The following NUP85 variants were observed in gnomAD, a reference collection of about 807,000 sequenced individuals.
NUP85 encodes the protein nuclear pore complex protein Nup85.
A neutral mutation model predicts 92.8 loss-of-function variants in NUP85; 23 were observed. The observed-to-expected ratio is 0.25, with a 90% CI of 0.18 to 0.35. NUP85 has a LOEUF of 0.35. Ranked by LOEUF, NUP85 falls within the 10% of genes least tolerant of loss-of-function variation. The pLI is 1.00. For missense variants in NUP85, 759 were observed against 822.8 expected (o/e 0.92, Z 0.95); for synonymous variants, 314 against 306.9 (o/e 1.02, Z -0.24).
At chr17:75,225,078 C>A in intron 7 of NUP85, 25 bp from the exon 8 acceptor site, 1 of 1,522,068 alleles carries the variant, frequency 6.6e-7, no homozygotes, top group Non-Finnish European at 8.8e-7. Flanking sequence ...CCTGCCAATG[C>A]TTATGGGCCC....
chr17:75,207,523 AGAGTG>A (rs1285682902), intron 1 of NUP85, among the ~76,000 whole-genome samples: 2 of 151,154 alleles, frequency 1.3e-5, no homozygotes, highest in African/African-American at 4.9e-5. Flanking sequence ...TCTGTCACCC[AGAGTG>A]GAGTGCAGTG....
In NUP85 at chr17:75,205,877, C is replaced by T. The variant is rs568033416; in HGVS notation, c.33+83C>T. On this transcript the variant is annotated intron_variant, in intron 1 of 18. Coordinates refer to ENST00000245544, the MANE Select transcript of NUP85 (RefSeq NM_024844.5). ...AGTTACTTCAGGCTTGTCTGCTTCCCTAGTGGTCGCGAGGCGCTCGTCCCC... is the reference window on the plus strand; with the variant it reads ...AGTTACTTCAGGCTTGTCTGCTTCCTTAGTGGTCGCGAGGCGCTCGTCCCC... 6.3e-4 allele frequency: 953 copies of T among 1,510,232 alleles called. 4 individuals carry two copies. Among genetic ancestry groups the T allele is most frequent in the Non-Finnish European group, 6.4e-4 (697 of 1,090,552 alleles). The allele number at this position is 1,510,232 out of a possible 1,614,324, so 93.6% of individuals were successfully genotyped here.
intron 7 of NUP85, 64 bp from the exon 8 acceptor site, chr17:75,225,039 C>T: frequency 6.7e-7 from 1 of 1,484,016 alleles, no homozygotes; most frequent in Non-Finnish European, 9.0e-7. Context: ...AGGGGACTGG[C>T]CTCCTCACGC....
At chr17:75,217,391 G>A (rs2075464371) in intron 6 of NUP85, among the ~76,000 whole-genome samples, 1 of 149,514 alleles carries the variant, frequency 6.7e-6, no homozygotes, top group African/African-American at 2.5e-5. Context: ...TTGTAGAGAT[G>A]GGGTCTCCCT....
intron 14 of NUP85, 36 bp from the exon 15 acceptor site, chr17:75,232,815 G>T: frequency 6.3e-7 from 1 of 1,586,168 alleles, no homozygotes; most frequent in South Asian, 1.1e-5. Flanking sequence ...GATTTGTGGA[G>T]TGAAAGCCGT....
At position 75,205,736 on chromosome 17, in the gene NUP85, C is replaced by G. The variant is rs770310989; in HGVS notation, c.-26C>G. The G allele has an allele frequency of 1.2e-6, 2 of 1,614,042 alleles. No homozygotes were observed. Among genetic ancestry groups the G allele is most frequent in the Non-Finnish European group, 1.7e-6 (2 of 1,180,022 alleles). ...GCGGGAAGCATTGGCGTCCGAGCGACTTCTAGGAGCCTGGGGTTCGGCGCT... is the reference window on the plus strand; with the variant it reads ...GCGGGAAGCATTGGCGTCCGAGCGAGTTCTAGGAGCCTGGGGTTCGGCGCT... On this transcript the variant is annotated 5_prime_UTR_variant, in exon 1 of 19. Transcript: ENST00000245544.
In NUP85 at chr17:75,231,864, C is replaced by T. The variant is rs2076075222; in HGVS notation, c.1281C>T (p.Cys427=). The T allele has an allele frequency of 1.9e-6, 3 of 1,614,132 alleles. No individual in the cohort carries two copies. Among genetic ancestry groups the T allele is most frequent in the Non-Finnish European group, 1.7e-6 (2 of 1,180,012 alleles). Residue 427 remains cysteine (C), a synonymous_variant, in exon 14 of 19, where the codon TGC becomes TGT. Coordinates refer to ENST00000245544, the MANE Select transcript of NUP85 (RefSeq NM_024844.5). This position sits in a 1 kb window ranked among gnomAD's most constrained non-coding sequence, Gnocchi z 4.6. Reference sequence around the variant, plus strand: ...TGGGGGTCGATTACTTTGATTACTGCCCCGAGCTGGGCCGAGTCTCCCTGG... The same window carrying T: ...TGGGGGTCGATTACTTTGATTACTGTCCCGAGCTGGGCCGAGTCTCCCTGG... ...WQLGVDYFDY[C]PELGRVSLEL... is the part of the protein sequence containing the mutation.
chr17:75,209,411 G>A (rs1004864351), intron 2 of NUP85, among the ~76,000 whole-genome samples: 2 of 151,494 alleles, frequency 1.3e-5, no homozygotes, highest in Non-Finnish European at 2.9e-5. Flanking sequence ...CCAGTAGAAG[G>A]ATAAAACTGG....
At chr17:75,217,840 G>A (rs543135300) in intron 6 of NUP85, among the ~76,000 whole-genome samples, 1 of 152,292 alleles carries the variant, frequency 6.6e-6, no homozygotes, top group Non-Finnish European at 1.5e-5. Context: ...ATACCTGGCT[G>A]CTTGCTATCT....
At chr17:75,233,692 G>A (rs375506983) in intron 16 of NUP85, among the ~76,000 whole-genome samples, 7 of 152,026 alleles carry the variant, frequency 4.6e-5, no homozygotes, top group South Asian at 4.1e-4. Flanking sequence ...CCCGCCTCCC[G>A]GGTCCAAGCA....
intron 6 of NUP85, among the ~76,000 whole-genome samples, chr17:75,216,676 T>C (rs148131291): frequency 5.4e-4 from 82 of 152,300 alleles, no homozygotes; most frequent in Middle Eastern, 3.4e-3. Flanking sequence ...ATGTTTGCTA[T>C]TTTCCATAAA....
chr17:75,235,222 G>A (rs759741628), intron 18 of NUP85, 21 bp downstream of exon 18: 4 of 1,583,556 alleles, frequency 2.5e-6, no homozygotes, highest in Non-Finnish European at 3.5e-6. Flanking sequence ...CTTTTGGGTT[G>A]ATGGTTCCAC....
At chr17:75,235,391 C>T in intron 18 of NUP85, 187 bp from the exon 19 acceptor site, 2 of 616,170 alleles carry the variant, frequency 3.2e-6, no homozygotes, top group South Asian at 4.1e-5. Context: ...CTCATCTCTA[C>T]ATTTTGTTCT....
chr17:75,230,891 G>A (rs1478620769), intron 11 of NUP85, among the ~76,000 whole-genome samples: 2 of 151,824 alleles, frequency 1.3e-5, no homozygotes, highest in Non-Finnish European at 2.9e-5. Context: ...GTGCACTCCC[G>A]TCTGGGTGAC....
At chr17:75,232,361 G>T (rs1438208291) in intron 14 of NUP85, among the ~76,000 whole-genome samples, 2 of 152,168 alleles carry the variant, frequency 1.3e-5, no homozygotes, top group Non-Finnish European at 2.9e-5. Flanking sequence ...AGAGAGAGTG[G>T]AATGAGGATG....
At chr17:75,214,589 T>C (rs1400740345) in intron 5 of NUP85, among the ~76,000 whole-genome samples, 1 of 152,240 alleles carries the variant, frequency 6.6e-6, no homozygotes, top group Non-Finnish European at 1.5e-5. Context: ...CTGGGCGCAG[T>C]GGCTCACGCC....
chr17:75,235,691 A>G lies in NUP85; in HGVS notation c.*12A>G, dbSNP rs569317556. 8.6e-5 allele frequency: 135 copies of G among 1,576,362 alleles called. No homozygotes were observed. The highest frequency in any genetic ancestry group is 1.1e-4 in the Non-Finnish European group (130 of 1,146,612). Reference sequence around the variant, plus strand: ...TGGAAGGTTCCTGAGAACTGCTTCAATGTGGTATCTTTGTATGGCAATGTA... The same window carrying G: ...TGGAAGGTTCCTGAGAACTGCTTCAGTGTGGTATCTTTGTATGGCAATGTA... On this transcript the variant is annotated 3_prime_UTR_variant, in exon 19 of 19. Transcript: ENST00000245544.
intron 11 of NUP85, chr17:75,228,380 GCT>G: frequency 8.1e-6 from 8 of 985,422 alleles, no homozygotes; most frequent in Non-Finnish European, 9.6e-6. Context: ...AGGGATCTGA[GCT>G]CTGTTAGTGG....
At chr17:75,233,801 T>C (rs940607593) in intron 16 of NUP85, among the ~76,000 whole-genome samples, 1 of 152,182 alleles carries the variant, frequency 6.6e-6, no homozygotes, top group East Asian at 1.9e-4. Context: ...GGTTTCACCG[T>C]GTTAGCCAGG....
Sources: gnomAD v4.1 joint callset for allele counts (sites outside exome capture counted in the v4.1 genomes callset) on GRCh38, gnomAD v4.1.1 for gene constraint, Gnocchi (gnomAD v3.1) non-coding constraint, MANE v1.5 for transcripts, NCBI Gene and HGNC (gene_info 2026-07-23, HGNC 2026-07-21) for gene names.